The following RNF13 variants were observed in gnomAD, a reference collection of about 807,000 sequenced individuals.
RNF13 encodes E3 ubiquitin-protein ligase RNF13.
RNF13 carries 19 observed loss-of-function variants against 37.7 expected under a neutral mutation model. The ratio of observed to expected loss-of-function variants is 0.50; its 90% CI spans 0.35 to 0.74. RNF13 has a LOEUF of 0.74. RNF13 is among the 30% of genes least tolerant of loss of function. The pLI, the probability that RNF13 is intolerant of heterozygous loss-of-function variation, is 0.01. For synonymous variants in RNF13, 144 were observed against 157.8 expected, an observed-to-expected ratio of 0.91 and a Z score of 0.65; for missense variants, 375 against 453.0, an observed-to-expected ratio of 0.83 and a Z score of 1.56.
Position 149,914,754 on chromosome 3 carries a change from A to G in RNF13, c.606+2671A>G, listed in dbSNP as rs535563038. ...TGAGTTCAAGATCAGCCTGGCCAACATGGTGAAACCGCGTCTCTACTAAAA... is the reference window on the plus strand; with the variant it reads ...TGAGTTCAAGATCAGCCTGGCCAACGTGGTGAAACCGCGTCTCTACTAAAA... On this transcript the variant is annotated intron_variant, in intron 7 of 9. Transcript: ENST00000392894. Among the ~76,000 whole-genome samples, 17 of 152,214 alleles carry G rather than the reference A, an allele frequency of 1.1e-4. 1 individual carries two copies. In the East Asian group the frequency reaches 2.5e-3, roughly 23 times the overall value.
intron 8 of RNF13, among the ~76,000 whole-genome samples, chr3:149,929,924 CTTTTG>C (rs1204400357): frequency 2.0e-5 from 3 of 152,034 alleles, no homozygotes; most frequent in Admixed American, 2.0e-4. Flanking sequence ...GATTACTGTA[CTTTTG>C]TTTTGTTTTG....
At chr3:149,907,012 T>A (rs2108510499) in intron 6 of RNF13, among the ~76,000 whole-genome samples, 1 of 152,272 alleles carries the variant, frequency 6.6e-6, no homozygotes. Context: ...GAGATAAACA[T>A]TTCTTGTTAA....
At chr3:149,942,240 CATT>C (rs1315563325) in intron 8 of RNF13, among the ~76,000 whole-genome samples, 2 of 152,020 alleles carry the variant, frequency 1.3e-5, no homozygotes, top group East Asian at 3.8e-4. Context: ...CAAAAAATGT[CATT>C]GGTATTTTGA....
intron 1 of RNF13, among the ~76,000 whole-genome samples, chr3:149,834,556 G>A (rs1721398424): frequency 6.6e-6 from 1 of 152,308 alleles, no homozygotes; most frequent in South Asian, 2.1e-4. Context: ...GGGTCTGATG[G>A]GAGCTATTTG....
chr3:149,859,874 C>T (rs1418614685), intron 3 of RNF13, among the ~76,000 whole-genome samples: 1 of 151,966 alleles, frequency 6.6e-6, no homozygotes, highest in Non-Finnish European at 1.5e-5. Flanking sequence ...AAAAAACTAT[C>T]TTAAAATTTA....
intron 8 of RNF13, among the ~76,000 whole-genome samples, chr3:149,935,006 T>A (rs183542192): frequency 6.6e-6 from 1 of 152,310 alleles, no homozygotes; most frequent in Admixed American, 6.5e-5. Flanking sequence ...CTTTTTTGAG[T>A]TTGCTGAGAC....
intron 3 of RNF13, among the ~76,000 whole-genome samples, chr3:149,856,833 G>A (rs958648579): frequency 1.3e-5 from 2 of 152,182 alleles, no homozygotes; most frequent in East Asian, 1.9e-4. Context: ...TGCAAGCTCC[G>A]GCCTTCTGGG....
At chr3:149,860,300 T>TAA (rs1553756065) in intron 3 of RNF13, among the ~76,000 whole-genome samples, 38 of 128,740 alleles carry the variant, frequency 3.0e-4, no homozygotes, top group Admixed American at 9.6e-4. Flanking sequence ...TATATATATA[T>TAA]AACGTGTATA....
At chr3:149,947,647 G>A (rs535952539) in intron 8 of RNF13, among the ~76,000 whole-genome samples, 82 of 152,120 alleles carry the variant, frequency 5.4e-4, no homozygotes, top group African/African-American at 1.9e-3. Flanking sequence ...TGATCCGACC[G>A]CCTGGGCCTC....
intron 8 of RNF13, among the ~76,000 whole-genome samples, chr3:149,945,443 C>T (rs559215223): frequency 6.6e-6 from 1 of 152,334 alleles, no homozygotes; most frequent in South Asian, 2.1e-4. Flanking sequence ...GTGGAGCCCA[C>T]CACAGCTCAA....
intron 3 of RNF13, among the ~76,000 whole-genome samples, chr3:149,867,111 A>G (rs1489384706): frequency 6.6e-6 from 1 of 152,062 alleles, no homozygotes; most frequent in African/African-American, 2.4e-5. Context: ...AAAGTTCCCT[A>G]CTATTATTGT....
chr3:149,814,353 G>T (rs73870432), intron 1 of RNF13: 4,546 of 152,276 alleles, frequency 0.03, 81 homozygotes, highest in South Asian at 0.036. Context: ...AAGAGTTTAT[G>T]CTATTTAAGC....
At chr3:149,866,818 G>A (rs1711497926) in intron 3 of RNF13, among the ~76,000 whole-genome samples, 1 of 151,944 alleles carries the variant, frequency 6.6e-6, no homozygotes, top group African/African-American at 2.4e-5. Flanking sequence ...GGAACATTTT[G>A]TTTACTTGCC....
chr3:149,845,058 T>C (rs1297242761), intron 1 of RNF13, among the ~76,000 whole-genome samples: 1 of 152,214 alleles, frequency 6.6e-6, no homozygotes, highest in African/African-American at 2.4e-5. Flanking sequence ...TTTTATTTCA[T>C]CTCTGATATT....
intron 1 of RNF13, among the ~76,000 whole-genome samples, chr3:149,840,495 G>T (rs1057236487): frequency 6.6e-6 from 1 of 152,166 alleles, no homozygotes; most frequent in African/African-American, 2.4e-5. Flanking sequence ...GATTTTACTA[G>T]ATTTTTTTCT....
At chr3:149,901,749 T>G (rs1257381603) in intron 5 of RNF13, among the ~76,000 whole-genome samples, 1 of 152,194 alleles carries the variant, frequency 6.6e-6, no homozygotes, top group Non-Finnish European at 1.5e-5. Flanking sequence ...CTAAAATTTC[T>G]TCATCTTTCT....
chr3:149,843,695 C>T (rs140727523), intron 1 of RNF13, among the ~76,000 whole-genome samples: 1 of 152,282 alleles, frequency 6.6e-6, no homozygotes, highest in Non-Finnish European at 1.5e-5. Context: ...GAACATCAAC[C>T]TTGGATGGAT....
intron 4 of RNF13, among the ~76,000 whole-genome samples, chr3:149,887,484 A>G (rs1236124872): frequency 2.0e-5 from 3 of 152,100 alleles, no homozygotes; most frequent in Admixed American, 6.5e-5. Context: ...AATTTTTTGT[A>G]GAGATGGGGT....
Position 149,930,290 on chromosome 3 carries a change from A to G in RNF13, c.700+9063A>G, listed in dbSNP as rs539551870. On this transcript the variant is annotated intron_variant, in intron 8 of 9. Transcript: ENST00000392894. ...AGTTCATTGACTTTGTTACTTCAGT[A>G]TGGTGTTGGCTGTTTTGGTGTTTTG... is the stretch of plus-strand genomic sequence containing the variant. Among the ~76,000 whole-genome samples, 37 of 152,256 alleles carry G rather than the reference A, an allele frequency of 2.4e-4. No individual in the cohort carries two copies. In the Middle Eastern group the frequency reaches 0.01, roughly 42 times the overall value.
Sources: allele counts gnomAD v4.1 joint callset (sites outside exome capture counted in the v4.1 genomes callset), GRCh38; gene constraint gnomAD v4.1.1; transcripts MANE v1.5; gene names NCBI Gene and HGNC (gene_info 2026-07-23, HGNC 2026-07-21).